The following GPM6A variants were observed in gnomAD, a reference collection of about 807,000 sequenced individuals.
The protein encoded by GPM6A is neuronal membrane glycoprotein M6-a.
A neutral mutation model predicts 32.1 loss-of-function variants in GPM6A; 7 were observed. The observed-to-expected ratio is 0.22, with a 90% CI of 0.12 to 0.41. The LOEUF is 0.41. Among genes scored for constraint, GPM6A ranks in the 10% least tolerant of loss-of-function variants. GPM6A has a pLI of 1.00. For missense variants in GPM6A, 235 were observed against 347.2 expected (o/e 0.68, Z 2.57); for synonymous variants, 130 against 123.4 (o/e 1.05, Z -0.35).
chr4:175,635,210 T>C (rs1270025410), intron 6 of GPM6A, among the ~76,000 whole-genome samples, 153 bp from the exon 7 acceptor site: 1 of 152,100 alleles, frequency 6.6e-6, no homozygotes, highest in African/African-American at 2.4e-5. Flanking sequence ...AGAAACAATA[T>C]AAAATATATT....
chr4:175,827,254 T>C (rs570487750), intron 1 of GPM6A, among the ~76,000 whole-genome samples: 7 of 152,324 alleles, frequency 4.6e-5, no homozygotes. Flanking sequence ...ATGTCAACTA[T>C]ATTTAGTAGC....
chr4:175,696,274 C>A (rs918437631), intron 2 of GPM6A, among the ~76,000 whole-genome samples: 8 of 151,486 alleles, frequency 5.3e-5, no homozygotes, highest in Non-Finnish European at 1.2e-4. Flanking sequence ...GTTACTAAGG[C>A]AAAGAGGTTA....
intron 1 of GPM6A, among the ~76,000 whole-genome samples, chr4:175,708,332 T>C (rs902263801): frequency 1.3e-5 from 2 of 152,042 alleles, no homozygotes; most frequent in Admixed American, 1.3e-4. Context: ...GGTAAAGGGA[T>C]CATCCAAGAG....
At chr4:175,645,626 C>A (rs1741414505) in intron 4 of GPM6A, among the ~76,000 whole-genome samples, 1 of 152,106 alleles carries the variant, frequency 6.6e-6, no homozygotes, top group Non-Finnish European at 1.5e-5. Context: ...GAGGCTGAGG[C>A]AGGAGAATTG....
At chr4:175,683,295 G>A (rs1484248390) in intron 2 of GPM6A, among the ~76,000 whole-genome samples, 6 of 152,150 alleles carry the variant, frequency 3.9e-5, no homozygotes, top group Non-Finnish European at 7.3e-5. Flanking sequence ...TTTACCTACT[G>A]TCTGTGTCTC....
chr4:175,684,093 T>A (rs2111015686), intron 2 of GPM6A, among the ~76,000 whole-genome samples: 1 of 152,292 alleles, frequency 6.6e-6, no homozygotes, highest in Admixed American at 6.5e-5. Flanking sequence ...CCTCCCAAAG[T>A]GCTGGTATTA....
chr4:175,994,875 T>C (rs754899322), intron 1 of GPM6A, among the ~76,000 whole-genome samples: 1 of 152,228 alleles, frequency 6.6e-6, no homozygotes, highest in Admixed American at 6.5e-5. Flanking sequence ...CTTTATCAAC[T>C]AAGTTTATGT....
At chr4:175,846,678 G>A (rs1300855196) in intron 1 of GPM6A, among the ~76,000 whole-genome samples, 3 of 152,002 alleles carry the variant, frequency 2.0e-5, no homozygotes, top group Admixed American at 6.6e-5. Context: ...GAAGAATAAG[G>A]TCTCCTACTC....
chr4:175,843,777 C>T (rs781027269), intron 1 of GPM6A, among the ~76,000 whole-genome samples: 3 of 152,132 alleles, frequency 2.0e-5, no homozygotes, highest in Non-Finnish European at 4.4e-5. Context: ...GAAGCAATTT[C>T]CCTTGTAAAA....
chr4:175,748,271 C>G (rs1486624270), intron 1 of GPM6A, among the ~76,000 whole-genome samples: 3 of 152,152 alleles, frequency 2.0e-5, no homozygotes, highest in Middle Eastern at 3.2e-3. Context: ...CGAATACTCT[C>G]CTGAAAGTTT....
intron 1 of GPM6A, among the ~76,000 whole-genome samples, chr4:175,710,934 A>G (rs1333979773): frequency 6.6e-6 from 1 of 152,102 alleles, no homozygotes; most frequent in Non-Finnish European, 1.5e-5. Context: ...CTGTATTACC[A>G]GGACACCCAA....
chr4:175,747,840 C>T (rs959984444), intron 1 of GPM6A, among the ~76,000 whole-genome samples: 1 of 152,132 alleles, frequency 6.6e-6, no homozygotes, highest in African/African-American at 2.4e-5. Context: ...TTCTCTGTAG[C>T]ACATGATACT....
intron 1 of GPM6A, among the ~76,000 whole-genome samples, chr4:175,719,095 G>GAATTTATATATTTATTCCA (rs1745985052): frequency 6.6e-6 from 1 of 151,660 alleles, no homozygotes; most frequent in African/African-American, 2.4e-5. Flanking sequence ...TGGCTTTTTA[G>GAATTTATATATTTATTCCA]AATTTATATA....
At chr4:175,742,677 T>C (rs759172166) in intron 1 of GPM6A, among the ~76,000 whole-genome samples, 2 of 152,098 alleles carry the variant, frequency 1.3e-5, no homozygotes, top group Non-Finnish European at 2.9e-5. Flanking sequence ...GAAAACTATT[T>C]CAGGAATTTC....
chr4:175,835,380 T>C (rs1470629201), intron 1 of GPM6A, among the ~76,000 whole-genome samples: 1 of 152,148 alleles, frequency 6.6e-6, no homozygotes, highest in Non-Finnish European at 1.5e-5. Context: ...GATCATCTTC[T>C]AAACCTGACT....
chr4:175,953,848 G>A (rs969040257), intron 1 of GPM6A, among the ~76,000 whole-genome samples: 11 of 152,118 alleles, frequency 7.2e-5, no homozygotes, highest in African/African-American at 2.7e-4. Context: ...GTGATGAGCC[G>A]AGATCGTGCC....
At chr4:175,794,696 C>T (rs1734149067) in intron 1 of GPM6A, among the ~76,000 whole-genome samples, 2 of 152,084 alleles carry the variant, frequency 1.3e-5, no homozygotes, top group African/African-American at 2.4e-5. Context: ...TAATGAAGCA[C>T]TGATTGAGGC....
chr4:175,859,056 C>G (rs1736498276), intron 1 of GPM6A, among the ~76,000 whole-genome samples: 1 of 151,896 alleles, frequency 6.6e-6, no homozygotes, highest in East Asian at 1.9e-4. Flanking sequence ...TAGTGATTGC[C>G]TGGGGATGGA....
chr4:175,681,493 C>A (rs1743685544), intron 2 of GPM6A, among the ~76,000 whole-genome samples: 1 of 152,142 alleles, frequency 6.6e-6, no homozygotes, highest in Non-Finnish European at 1.5e-5. Context: ...GGATATTATA[C>A]TTTTGTCTGT....
Sources: gnomAD v4.1 joint callset for allele counts (sites outside exome capture counted in the v4.1 genomes callset) on GRCh38, gnomAD v4.1.1 for gene constraint, MANE v1.5 for transcripts, NCBI Gene and HGNC (gene_info 2026-07-23, HGNC 2026-07-21) for gene names.